FOXP4: variants seen among roughly 807,000 people sequenced by gnomAD.
FOXP4 encodes the protein forkhead box protein P4.
In FOXP4, 25 loss-of-function variants were observed where a neutral mutation model predicts 82.6. That is an observed-to-expected ratio of 0.30 (90% CI 0.22 to 0.42). FOXP4 has a LOEUF of 0.42. FOXP4 is among the 10% of genes least tolerant of loss of function. The probability of loss-of-function intolerance (pLI) is 1.00; values close to 1 mark genes in which losing one functional copy is unlikely to be tolerated. For synonymous variants in FOXP4, 415 were observed against 388.2 expected (o/e 1.07, Z -0.81); for missense variants, 785 against 900.9 (o/e 0.87, Z 1.65).
intron 16 of FOXP4, 156 bp from the exon 17 acceptor site, chr6:41,598,633 G>A (rs1017441995): frequency 8.5e-6 from 9 of 1,064,982 alleles, no homozygotes; most frequent in African/African-American, 8.0e-5. Context: ...TTTGAAGAGA[G>A]CCCTAGGGGA....
chr6:41,553,089 G>A (rs1006009623), intron 1 of FOXP4, among the ~76,000 whole-genome samples: 94 of 152,170 alleles, frequency 6.2e-4, no homozygotes, highest in African/African-American at 2.2e-3. Flanking sequence ...CAAGGGCATC[G>A]GGAGCCTACT....
intron 2 of FOXP4, among the ~76,000 whole-genome samples, chr6:41,572,179 C>A (rs1476840233): frequency 6.6e-6 from 1 of 152,152 alleles, no homozygotes; most frequent in Non-Finnish European, 1.5e-5. Context: ...CATAATGCAC[C>A]CAGCTTTTCC....
chr6:41,571,644 T>C (rs1765204657), intron 2 of FOXP4, among the ~76,000 whole-genome samples: 1 of 152,206 alleles, frequency 6.6e-6, no homozygotes, highest in South Asian at 2.1e-4. Context: ...ACGAGGTTGG[T>C]GTAAAAAAAT....
chr6:41,584,688 C>A (rs1192913028), intron 3 of FOXP4, 81 bp from the exon 4 acceptor site: 20 of 1,460,260 alleles, frequency 1.4e-5, no homozygotes, highest in Non-Finnish European at 1.8e-5. Context: ...GCCACTCTGC[C>A]ACGCTGAGAG....
intron 14 of FOXP4, 151 bp from the exon 15 acceptor site, chr6:41,597,025 A>G: frequency 2.6e-6 from 2 of 771,632 alleles, no homozygotes; most frequent in Non-Finnish European, 4.5e-6. Flanking sequence ...GTACACACAC[A>G]GCTCCAAGAC....
chr6:41,598,687 G>A (rs1767027398), intron 16 of FOXP4, 102 bp from the exon 17 acceptor site: 1 of 1,505,732 alleles, frequency 6.6e-7, no homozygotes. Flanking sequence ...GGGGGCTGTG[G>A]GCACCCCACT....
rs181146714 is a variant in FOXP4, at chr6:41,552,020, C to T, written c.-17+5153C>T. On this transcript the variant is annotated intron_variant, in intron 1 of 16. Coordinates refer to ENST00000307972, the MANE Select transcript of FOXP4 (RefSeq NM_001012426.2). ...CCTGAAACCCCCAGCTGAGACAGGA[C>T]ATGTGTGCCACCCAGAGAGCCCTTA... 1.9e-3 allele frequency among the ~76,000 whole-genome samples: 288 copies of T among 152,342 alleles called. 4 individuals carry two copies. Among genetic ancestry groups the T allele is most frequent in the Admixed American group, 3.7e-3 (56 of 15,306 alleles).
At chr6:41,573,678 A>G (rs1765322348) in intron 2 of FOXP4, among the ~76,000 whole-genome samples, 1 of 152,154 alleles carries the variant, frequency 6.6e-6, no homozygotes, top group South Asian at 2.1e-4. Context: ...CAGTGTGCTA[A>G]GTACTCCATG....
Position 41,598,983 on chromosome 6 carries a change from G to A in FOXP4, c.*47G>A. On this transcript the variant is annotated 3_prime_UTR_variant, in exon 17 of 17. Transcript: ENST00000307972. ...GCTGGGGTGAGACCCCTCCCTTCCA[G>A]AATCCAGGCCCCATCTCCCCCAACT... is the stretch of plus-strand genomic sequence containing the variant. 2.0e-6 allele frequency: 3 copies of A among 1,495,776 alleles called. No individual in the cohort carries two copies. Among genetic ancestry groups the A allele is most frequent in the Non-Finnish European group, 2.7e-6 (3 of 1,124,462 alleles). 92.7% of individuals were successfully genotyped at this position (1,495,776 alleles called of 1,614,324 possible). A position where few individuals can be genotyped will look rare whatever the true frequency, so the allele number is the denominator to read the frequency against.
rs1766174993 is a variant in FOXP4, at chr6:41,587,053, A to G, written c.555A>G (p.Gln185=). Residue 185 remains glutamine, a synonymous_variant, in exon 6 of 17, where the codon CAA becomes CAG. Coordinates refer to ENST00000307972, the MANE Select transcript of FOXP4 (RefSeq NM_001012426.2). Reference sequence around the variant, plus strand: ...TGGCCTTCCAGCAGCAGCTCCTGCAAATGCAACAGTTGCAGCAGCAGCACC... The same window carrying G: ...TGGCCTTCCAGCAGCAGCTCCTGCAGATGCAACAGTTGCAGCAGCAGCACC... ...KQLAFQQQLL[Q]MQQLQQQHLL... The G allele has an allele frequency of 6.2e-7, 1 of 1,605,724 alleles. No individual in the cohort carries two copies.
At chr6:41,575,069 C>T (rs1014091720) in intron 2 of FOXP4, among the ~76,000 whole-genome samples, 2 of 152,268 alleles carry the variant, frequency 1.3e-5, no homozygotes, top group African/African-American at 4.8e-5. Context: ...CCCGGGTTCA[C>T]GCCATCATTC....
At chr6:41,566,399 T>C (rs1201833284) in intron 2 of FOXP4, among the ~76,000 whole-genome samples, 5 of 152,172 alleles carry the variant, frequency 3.3e-5, no homozygotes, top group African/African-American at 7.2e-5. Context: ...TTGCAAAACA[T>C]TATCTGCCTC....
chr6:41,592,117 A>G (rs1364522261), intron 13 of FOXP4, among the ~76,000 whole-genome samples: 1 of 152,080 alleles, frequency 6.6e-6, no homozygotes, highest in Admixed American at 6.6e-5. Flanking sequence ...GACGCGGGGA[A>G]GGACTCCCTC....
chr6:41,590,302 C>A lies in FOXP4; in HGVS notation c.1389C>A (p.Asn463Lys). The A allele has an allele frequency of 6.2e-7, 1 of 1,614,016 alleles. No homozygotes were observed. Among genetic ancestry groups the A allele is most frequent in the Non-Finnish European group, 8.5e-7 (1 of 1,179,986 alleles). Reference sequence around the variant, plus strand: ...CCCAGAATCATGAGTTCTACAAGAACGCCGACGTCCGGCCCCCCTTCACCT... The same window carrying A: ...CCCAGAATCATGAGTTCTACAAGAAAGCCGACGTCCGGCCCCCCTTCACCT... ...ELAQNHEFYK[N>K]ADVRPPFTYA... The change falls in exon 12 of 17, where the codon AAC becomes AAA. Residue 463 changes from asparagine to lysine, a missense_variant. Coordinates refer to ENST00000307972, the MANE Select transcript of FOXP4 (RefSeq NM_001012426.2).
In FOXP4 at chr6:41,600,252, A is replaced by T. The variant is rs1426436520; in HGVS notation, c.*1316A>T. 6.6e-6 allele frequency: 1 copy of T among 152,502 alleles called. No individual in the cohort carries two copies. The highest frequency in any genetic ancestry group is 2.4e-5 in the African/African-American group (1 of 41,422). The allele number at this position is 152,502 out of a possible 1,614,324, so 9.4% of individuals were successfully genotyped here. A position where few individuals can be genotyped will look rare whatever the true frequency, so the allele number is the denominator to read the frequency against. On this transcript the variant is annotated 3_prime_UTR_variant, in exon 17 of 17. Transcript: ENST00000307972. ...GGCTCTCACCCCCTCAGGAGTGGGCACGGGAGCCCTTCTCCCTGACCCTGG... is the reference window on the plus strand; with the variant it reads ...GGCTCTCACCCCCTCAGGAGTGGGCTCGGGAGCCCTTCTCCCTGACCCTGG...
intron 1 of FOXP4, chr6:41,548,613 A>G (rs3747744): frequency 0.36 from 54,363 of 152,104 alleles, 10,226 homozygotes; most frequent in African/African-American, 0.47. Context: ...TTTCCACAGA[A>G]AACCAGGGCT....
chr6:41,574,980 G>GT (rs1261111876), intron 2 of FOXP4, among the ~76,000 whole-genome samples: 6 of 151,868 alleles, frequency 4.0e-5, no homozygotes, highest in Admixed American at 1.3e-4. Context: ...GTTTTGTTTT[G>GT]TTTTTTGAGA....
chr6:41,561,082 G>C (rs1236912068), intron 1 of FOXP4, among the ~76,000 whole-genome samples: 1 of 152,244 alleles, frequency 6.6e-6, no homozygotes, highest in African/African-American at 2.4e-5. Flanking sequence ...AGCCTCCGGG[G>C]AAGTGGGAGC....
At position 41,576,985 on chromosome 6, in the gene FOXP4, T is replaced by C. The variant is rs545436609; in HGVS notation, c.205-1001T>C. On this transcript the variant is annotated intron_variant, in intron 2 of 16. Transcript: ENST00000307972. The stretch of plus-strand genomic sequence containing the variant: ...TGCCTTCAAACCTCCCACTGAAGCA[T>C]AGTGAGGACATAGAGGGCTTGACTG... Among the ~76,000 whole-genome samples, 5 of 152,264 alleles carry C rather than the reference T, an allele frequency of 3.3e-5. No homozygotes were observed. The South Asian group carries it at 1.0e-3, about 32-fold the overall frequency.
Sources: gnomAD v4.1 joint callset for allele counts (sites outside exome capture counted in the v4.1 genomes callset) on GRCh38, gnomAD v4.1.1 for gene constraint, MANE v1.5 for transcripts, NCBI Gene and HGNC (gene_info 2026-07-23, HGNC 2026-07-21) for gene names.